The following PKHD1L1 variants were observed in gnomAD, a reference collection of about 807,000 sequenced individuals.
The protein encoded by PKHD1L1 is fibrocystin-L.
PKHD1L1 carries 434 observed loss-of-function variants against 462.9 expected under a neutral mutation model. That is an observed-to-expected ratio of 0.94 (90% CI 0.87 to 1.02). The LOEUF is 1.02. Among genes scored for constraint, PKHD1L1 ranks in the 50% least tolerant of loss-of-function variants. PKHD1L1 has a pLI of 0.00. For missense variants in PKHD1L1, 5,202 were observed against 5,096.1 expected, an observed-to-expected ratio of 1.02 and a Z score of -0.63; for synonymous variants, 1,781 against 1,750.0, an observed-to-expected ratio of 1.02 and a Z score of -0.44.
chr8:109,410,726 C>CTTTTTTTTTTTTTTTTTTGTTTTTTT (rs1813800320), intron 19 of PKHD1L1, among the ~76,000 whole-genome samples: 3 of 68,388 alleles, frequency 4.4e-5, no homozygotes, highest in East Asian at 5.2e-4. Context: ...TTTTCTTTTT[C>CTTTTTTTTTTTTTTTTTTGTTTTTTT]TTTTTTTTTT....
chr8:109,399,810 C>T (rs1382504900), intron 12 of PKHD1L1, among the ~76,000 whole-genome samples: 1 of 152,046 alleles, frequency 6.6e-6, no homozygotes, highest in Non-Finnish European at 1.5e-5. Flanking sequence ...TATACATAAT[C>T]CCTATAGCAC....
chr8:109,370,403 C>T (rs541446306), intron 2 of PKHD1L1, among the ~76,000 whole-genome samples: 3 of 152,006 alleles, frequency 2.0e-5, no homozygotes, highest in African/African-American at 4.8e-5. Flanking sequence ...CGTGAGCCAC[C>T]GCACCTGGCC....
At chr8:109,507,543 ATC>A in intron 68 of PKHD1L1, 118 bp from the exon 69 acceptor site, 1 of 824,906 alleles carries the variant, frequency 1.2e-6, no homozygotes, top group Non-Finnish European at 1.9e-6. Context: ...CCACTTTGAA[ATC>A]TCTCTGAAAT....
chr8:109,384,092 C>A lies in PKHD1L1; in HGVS notation c.440C>A (p.Thr147Lys), dbSNP rs758569612. The A allele has an allele frequency of 3.1e-6, 5 of 1,610,820 alleles. No individual in the cohort carries two copies. Among genetic ancestry groups the A allele is most frequent in the Non-Finnish European group, 4.2e-6 (5 of 1,177,534 alleles). The change falls in exon 5 of 78, where the codon ACA (threonine) becomes AAA (lysine). Residue 147 changes from threonine to lysine, a missense_variant. Thr to Lys is a moderately conservative substitution (Grantham distance 78). Transcript: ENST00000378402. ...TFNAKSFRTP[T>K]IRSITPLSGT... ...CAGGCAAAAAGTTTTAGAACCCCAA[C>A]AATAAGAAGCATCACACCTTTATCT...
intron 67 of PKHD1L1, among the ~76,000 whole-genome samples, chr8:109,503,316 A>AAAAACAAAC (rs1819529417): frequency 1.6e-4 from 8 of 51,192 alleles, no homozygotes; most frequent in African/African-American, 7.8e-4. Flanking sequence ...AAAAACAAAC[A>AAAAACAAAC]AAAAAAAAAC....
At position 109,468,301 on chromosome 8, in the gene PKHD1L1, T is replaced by C. The variant is rs1034632685; in HGVS notation, c.8605+1532T>C. ...CCTCATTTCAAATGGAGCCAGTCTT[T>C]TAGATTTTATATATGATTCAGGAAG... On this transcript the variant is annotated intron_variant, in intron 50 of 77. Coordinates refer to ENST00000378402, the MANE Select transcript of PKHD1L1 (RefSeq NM_177531.6). Among the ~76,000 whole-genome samples, 5 of 152,190 alleles carry C rather than the reference T, an allele frequency of 3.3e-5. No homozygotes were observed. In the East Asian group the frequency reaches 9.6e-4, roughly 29 times the overall value.
intron 56 of PKHD1L1, 73 bp downstream of exon 56, chr8:109,481,635 A>C: frequency 1.5e-6 from 2 of 1,293,526 alleles, no homozygotes; most frequent in Non-Finnish European, 2.0e-6. Flanking sequence ...GCACTAAAGT[A>C]CATATCAGTT....
chr8:109,363,499 C>A (rs534680480), intron 1 of PKHD1L1, among the ~76,000 whole-genome samples: 2 of 152,242 alleles, frequency 1.3e-5, no homozygotes, highest in African/African-American at 4.8e-5. Context: ...TTATATACAT[C>A]CATTTTGAGA....
chr8:109,519,314 C>T (rs1206511820), intron 73 of PKHD1L1, among the ~76,000 whole-genome samples: 2 of 152,114 alleles, frequency 1.3e-5, no homozygotes, highest in Admixed American at 6.6e-5. Context: ...TCAGTTTGGG[C>T]ACTTGAGTAA....
rs776279068 is a variant in PKHD1L1 at position 109,498,813 on chromosome 8, G to C, written c.10828+42G>C. 4.7e-6 allele frequency: 7 copies of C among 1,473,902 alleles called. No individual in the cohort carries two copies. In the East Asian group the frequency reaches 1.6e-4, roughly 34 times the overall value. The allele number at this position is 1,473,902 out of a possible 1,614,324, so 91.3% of individuals were successfully genotyped here. On this transcript the variant is annotated intron_variant, in intron 67 of 77. Transcript: ENST00000378402. ...TTACAAATCTTCTCAATTAATTTCT[G>C]TAAAGAATATGTAGAGGATAACTAA...
chr8:109,429,808 A>T (rs1814989770), intron 26 of PKHD1L1, 124 bp from the exon 27 acceptor site: 1 of 720,348 alleles, frequency 1.4e-6, no homozygotes, highest in African/African-American at 1.8e-5. Flanking sequence ...AAGTACAAAA[A>T]ATATAGACTA....
intron 51 of PKHD1L1, 89 bp downstream of exon 51, chr8:109,475,358 C>A: frequency 9.4e-7 from 1 of 1,063,486 alleles, no homozygotes; most frequent in Non-Finnish European, 1.3e-6. Flanking sequence ...ATTGTCAGGC[C>A]AGAGGGACTT....
intron 3 of PKHD1L1, among the ~76,000 whole-genome samples, chr8:109,381,740 T>A (rs997521581): frequency 6.6e-6 from 1 of 152,104 alleles, no homozygotes; most frequent in Non-Finnish European, 1.5e-5. Flanking sequence ...TCCCATGTTA[T>A]TAGAGCTATT....
At chr8:109,429,496 T>C (rs1254487340) in intron 26 of PKHD1L1, 34 bp downstream of exon 26, 3 of 1,572,898 alleles carry the variant, frequency 1.9e-6, no homozygotes, top group Non-Finnish European at 2.6e-6. Context: ...ATGCTTAATG[T>C]AATTTTAATA....
At chr8:109,511,484 G>A (rs918796582) in intron 71 of PKHD1L1, among the ~76,000 whole-genome samples, 1 of 151,338 alleles carries the variant, frequency 6.6e-6, no homozygotes, top group African/African-American at 2.4e-5. Flanking sequence ...TGAGAATGAT[G>A]ATTTCCAATT....
chr8:109,416,725 G>A (rs1000547396), intron 21 of PKHD1L1, among the ~76,000 whole-genome samples: 2 of 152,046 alleles, frequency 1.3e-5, no homozygotes, highest in African/African-American at 4.8e-5. Context: ...ACCAGAAGTC[G>A]AGCCAGCCCT....
intron 71 of PKHD1L1, among the ~76,000 whole-genome samples, chr8:109,512,194 G>A (rs1279711389): frequency 6.6e-6 from 1 of 152,024 alleles, no homozygotes; most frequent in Admixed American, 6.6e-5. Context: ...AAGCTTTTTA[G>A]TTTAATTAGA....
In PKHD1L1 at chr8:109,459,688, C is replaced by T. The variant is rs746146739; in HGVS notation, c.7098C>T (p.His2366=). Residue 2366 remains histidine (H), a synonymous_variant, in exon 47 of 78, where the codon CAC becomes CAT. Transcript: ENST00000378402. ...ITLSNPLNYT[H]LGITVTLPDG... Reference sequence around the variant, plus strand: ...TAAGTAACCCACTAAATTACACACACTTAGGAATTACGGTCACACTCCCTG... The same window carrying T: ...TAAGTAACCCACTAAATTACACACATTTAGGAATTACGGTCACACTCCCTG... The T allele has an allele frequency of 9.3e-6, 15 of 1,611,442 alleles. No homozygotes were observed. The highest frequency in any genetic ancestry group is 1.3e-5 in the Non-Finnish European group (15 of 1,178,650).
Position 109,419,258 on chromosome 8 carries a change from A to T in PKHD1L1, c.2522A>T (p.Asp841Val), listed in dbSNP as rs762582232. 6.3e-7 allele frequency: 1 copy of T among 1,592,024 alleles called. No homozygotes were observed. The highest frequency in any genetic ancestry group is 1.1e-5 in the South Asian group (1 of 87,792). The stretch of plus-strand genomic sequence containing the variant: ...CACACATCTACAATCTCAACATTGG[A>T]TGGTATGTTGTATCATTTTATCTCT... ...IGHTSTISTL[D>V]EMPKRRLPAL... Residue 841 changes from aspartate to valine, a missense_variant and splice_region_variant, in exon 22 of 78, where the codon GAT becomes GTT. By Grantham distance (152) the Asp-to-Val change is radical (BLOSUM62 -3). Around this residue, in one of 3 missense-constraint regions of PKHD1L1, gnomAD observed 4,497 missense variants for 4,336.8 expected, o/e 1.04. Coordinates refer to ENST00000378402, the MANE Select transcript of PKHD1L1 (RefSeq NM_177531.6).
Sources: allele counts gnomAD v4.1 joint callset (sites outside exome capture counted in the v4.1 genomes callset), GRCh38; gene constraint gnomAD v4.1.1; regional missense constraint gnomAD v4.1.1; transcripts MANE v1.5; gene names NCBI Gene and HGNC (gene_info 2026-07-23, HGNC 2026-07-21).